EPPK1: variants seen among roughly 807,000 people sequenced by gnomAD.
EPPK1 encodes the protein epiplakin.
For missense variants in EPPK1, 3,823 were observed against 3,673.3 expected (o/e 1.04, Z -1.05); for synonymous variants, 1,862 against 1,721.2 (o/e 1.08, Z -2.03).
Position 143,872,220 on chromosome 8 carries a change from G to A in EPPK1, c.1034C>T (p.Ala345Val), listed in dbSNP as rs782080925. 24 of 1,608,642 alleles carry A rather than the reference G, an allele frequency of 1.5e-5. No homozygotes were observed. Among genetic ancestry groups the A allele is most frequent in the Middle Eastern group, 1.7e-4 (1 of 6,030 alleles). ...ATGGAGCTCTGGGCTGACCAGGCCC[G>A]CCCTGACTGCCTCGTCTACCCACAG... The part of the protein sequence containing the change: ...QRLWVDEAVR[A>V]GLVSPELHEQ... Residue 345 changes from alanine to valine, a missense_variant, in exon 2 of 2, where the codon GCG becomes GTG. By Grantham distance (64) the Ala-to-Val change is moderately conservative. Transcript: ENST00000615648.
chr8:143,878,348 G>A (rs1166044210), intron 1 of EPPK1, 90 bp downstream of exon 1: 2 of 74,904 alleles, frequency 2.7e-5, no homozygotes, highest in South Asian at 2.8e-4. Flanking sequence ...GCCCGGCCCC[G>A]AGCCCGCACC....
rs781799132 is a variant in EPPK1 at position 143,868,107 on chromosome 8, C to T, written c.5147G>A (p.Arg1716His). Reference protein sequence around the residue: ...RCGYFDEEMNRILADPSDDTK... With the variant: ...RCGYFDEEMNHILADPSDDTK... Reference sequence around the variant, plus strand: ...GTCGTCGCTGGGGTCCGCCAGGATGCGGTTCATCTCCTCGTCGAAGTAGCC... The same window carrying T: ...GTCGTCGCTGGGGTCCGCCAGGATGTGGTTCATCTCCTCGTCGAAGTAGCC... The change falls in exon 2 of 2, where the codon CGC becomes CAC. Residue 1716 changes from arginine (R) to histidine (H), a missense_variant. Transcript: ENST00000615648. 2.0e-5 allele frequency: 33 copies of T among 1,613,196 alleles called. No homozygotes were observed. Among genetic ancestry groups the T allele is most frequent in the East Asian group, 1.6e-4 (7 of 44,896 alleles).
At position 143,878,413 on chromosome 8, in the gene EPPK1, G is replaced by GC. The variant is rs1187837278; in HGVS notation, c.-46+24dup. On this transcript the variant is annotated intron_variant, in intron 1 of 1. Coordinates refer to ENST00000615648, the MANE Select transcript of EPPK1 (RefSeq NM_031308.4). ...GCACCTGCCCGCACCCGCCGCACCC[G>GC]CCGCACCCGCCGCACCCGCCGCACC... The GC allele has an allele frequency of 4.0e-3, 366 of 92,122 alleles. 9 individuals carry two copies. The East Asian group carries it at 0.049, about 12-fold the overall frequency. 5.7% of individuals were successfully genotyped at this position (92,122 alleles called of 1,614,324 possible). A position where few individuals can be genotyped will look rare whatever the true frequency, so the allele number is the denominator to read the frequency against.
Position 143,866,870 on chromosome 8 carries a change from G to A in EPPK1, c.6384C>T (p.Ser2128=), listed in dbSNP as rs782812608. The A allele has an allele frequency of 1.4e-5, 23 of 1,613,082 alleles. No individual in the cohort carries two copies. The highest frequency in any genetic ancestry group is 3.3e-5 in the South Asian group (3 of 91,092). Residue 2128 remains serine (S), a synonymous_variant, in exon 2 of 2, where the codon TCC becomes TCT. Transcript: ENST00000615648. Reference sequence around the variant, plus strand: ...GCTTCTTCTCCTCTGTCACGTATTCGGAATTCAGTAGTGCCCACAGTGTTG... The same window carrying A: ...GCTTCTTCTCCTCTGTCACGTATTCAGAATTCAGTAGTGCCCACAGTGTTG... ...QKPTLWALLN[S]EYVTEEKKLQ...
intron 1 of EPPK1, among the ~76,000 whole-genome samples, chr8:143,876,325 G>T (rs1189924007): frequency 6.6e-6 from 1 of 152,208 alleles, no homozygotes; most frequent in African/African-American, 2.4e-5. Flanking sequence ...AGGCGCGCCC[G>T]GGTTGAGGGC....
chr8:143,869,514 C>T lies in EPPK1; in HGVS notation c.3740G>A (p.Cys1247Tyr), dbSNP rs531805402. 1.3e-6 allele frequency: 2 copies of T among 1,550,824 alleles called. No homozygotes were observed. The highest frequency in any genetic ancestry group is 1.7e-4 in the Middle Eastern group (1 of 5,840). ...GGGCTGTAGCAGCACACCGGCCACGCAGCCTGTGCCCCACAGGCAGGCCTT... is the reference window on the plus strand; with the variant it reads ...GGGCTGTAGCAGCACACCGGCCACGTAGCCTGTGCCCCACAGGCAGGCCTT... ...AVKACLWGTG[C>Y]VAGVLLQPSG... Residue 1247 changes from cysteine to tyrosine, a missense_variant, in exon 2 of 2, where the codon TGC (cysteine) becomes TAC (tyrosine). Cys to Tyr is a radical substitution (Grantham distance 194). Coordinates refer to ENST00000615648, the MANE Select transcript of EPPK1 (RefSeq NM_031308.4).
In EPPK1 at chr8:143,868,496, G is replaced by C; in HGVS notation, c.4758C>G (p.Ser1586Arg). 6.2e-7 allele frequency: 1 copy of C among 1,610,952 alleles called. No homozygotes were observed. Among genetic ancestry groups the C allele is most frequent in the Non-Finnish European group, 8.5e-7 (1 of 1,179,230 alleles). ...VLIQGTQERM[S>R]IPEALRRHIL... is the part of the protein sequence containing the mutation. ...TGTGCCTCCTCAGGGCCTCTGGGAT[G>C]CTCATCCTCTCCTGGGTGCCCTGGA... Residue 1586 changes from serine (S) to arginine (R), a missense_variant, in exon 2 of 2, where the codon AGC becomes AGG. Ser to Arg is a moderately radical substitution (Grantham distance 110). Transcript: ENST00000615648.
rs1563880360 is a variant in EPPK1, at chr8:143,867,403, CAG to C, written c.5849_5850del (p.Ser1950CysfsTer3). 1.9e-6 allele frequency: 3 copies of C among 1,612,898 alleles called. 1 individual carries two copies. The highest frequency in any genetic ancestry group is 2.2e-5 in the South Asian group (2 of 91,086). ...LLDPCTRQKL[S>X]VDEAVDVGLV... is the part of the protein sequence containing the mutation. ...AGGCCCACATCCACAGCCTCATCCACAGAGAGCTTCTGGCGGGTGCAGGGGTC... is the reference window on the plus strand; with the variant it reads ...AGGCCCACATCCACAGCCTCATCCACAGAGCTTCTGGCGGGTGCAGGGGTC... On this transcript the variant is annotated frameshift_variant, in exon 2 of 2. Coordinates refer to ENST00000615648, the MANE Select transcript of EPPK1 (RefSeq NM_031308.4). LOFTEE classifies it low-confidence loss of function (END_TRUNC).
In EPPK1 at chr8:143,871,558, T is replaced by C. The variant is rs370114857; in HGVS notation, c.1696A>G (p.Thr566Ala). The change falls in exon 2 of 2, where the codon ACC becomes GCC. Residue 566 changes from threonine to alanine, a missense_variant. Transcript: ENST00000615648. ...ARVTFSGLRD[T>A]VTPGELLKAE... The stretch of plus-strand genomic sequence containing the variant: ...TTCAGCAGCTCTCCTGGTGTCACGG[T>C]GTCCCTCAGCCCAGAAAAGGTGACC... 6.2e-7 allele frequency: 1 copy of C among 1,609,724 alleles called. No individual in the cohort carries two copies. Among genetic ancestry groups the C allele is most frequent in the South Asian group, 1.1e-5 (1 of 90,582 alleles).
chr8:143,873,858 GC>G (rs782214325), intron 1 of EPPK1, among the ~76,000 whole-genome samples: 7 of 151,508 alleles, frequency 4.6e-5, no homozygotes, highest in Non-Finnish European at 1.0e-4. Flanking sequence ...AGAAGCCTCT[GC>G]CACCTCCTGC....
rs1226822229 is a variant in EPPK1 at position 143,873,029 on chromosome 8, T to C, written c.225A>G (p.Leu75=). The change falls in exon 2 of 2, where the codon CTA becomes CTG. Residue 75 remains leucine (L), a synonymous_variant. Transcript: ENST00000615648. ...LLPAGLGQAL[L]EAQAATGGLV... ...GGCCCCCAGTGGCTGCCTGGGCCTC[T>C]AGCAGAGCCTGCCCGAGCCCAGCAG... The C allele has an allele frequency of 5.1e-6, 8 of 1,569,966 alleles. No homozygotes were observed. The African/African-American group carries it at 1.1e-4, about 21-fold the overall frequency.
chr8:143,871,675 G>A lies in EPPK1; in HGVS notation c.1579C>T (p.Leu527=). 6.2e-7 allele frequency: 1 copy of A among 1,602,908 alleles called. No homozygotes were observed. The highest frequency in any genetic ancestry group is 8.5e-7 in the Non-Finnish European group (1 of 1,176,528). The change falls in exon 2 of 2, where the codon CTG becomes TTG. Residue 527 remains leucine (L), a synonymous_variant. Transcript: ENST00000615648. ...GTCCCTTCCTGGTACTGCTGGGCCA[G>A]CATCGCCCTCTGCTCTGAGGAGATG... is the stretch of plus-strand genomic sequence containing the variant. ...EAISSEQRAM[L]AQQYQEGTLS...
Position 143,866,662 on chromosome 8 carries a change from G to A in EPPK1, c.6592C>T (p.Gln2198Ter). 2 of 1,613,190 alleles carry A rather than the reference G, an allele frequency of 1.2e-6. No homozygotes were observed. The highest frequency in any genetic ancestry group is 1.7e-6 in the Non-Finnish European group (2 of 1,179,886). Reference protein sequence around the residue: ...SSAIITEEMLQDLETGRSTTQ... With the variant: ...SSAIITEEML The stretch of plus-strand genomic sequence containing the variant: ...GTGCTCCGTCCCGTTTCCAGGTCCT[G>A]GAGCATTTCCTCCGTGATTATGGCT... Residue 2198 changes from glutamine (Q) to a stop codon, truncating the protein, a stop_gained, in exon 2 of 2, where the codon CAG becomes TAG. Coordinates refer to ENST00000615648, the MANE Select transcript of EPPK1 (RefSeq NM_031308.4). LOFTEE classifies it low-confidence loss of function (END_TRUNC).
At position 143,867,035 on chromosome 8, in the gene EPPK1, G is replaced by A. The variant is rs1554659280; in HGVS notation, c.6219C>T (p.Arg2073=). Residue 2073 remains arginine (R), a synonymous_variant, in exon 2 of 2, where the codon CGC becomes CGT. Coordinates refer to ENST00000615648, the MANE Select transcript of EPPK1 (RefSeq NM_031308.4). ...VSYRELQERC[R]PQEDTGWLLF... is the part of the protein sequence containing the mutation. ...GCAGCCAGCCCGTGTCCTCTTGTGG[G>A]CGGCACCTCTCCTGCAGCTCTCGGT... 2 of 1,612,810 alleles carry A rather than the reference G, an allele frequency of 1.2e-6. No individual in the cohort carries two copies. The highest frequency in any genetic ancestry group is 3.3e-5 in the Admixed American group (2 of 60,032).
chr8:143,869,536 C>A lies in EPPK1; in HGVS notation c.3718G>T (p.Ala1240Ser), dbSNP rs782240124. 97 of 1,560,816 alleles carry A rather than the reference C, an allele frequency of 6.2e-5. No individual in the cohort carries two copies. The highest frequency in any genetic ancestry group is 2.2e-4 in the Admixed American group (12 of 54,368). ...AQVAEQPAVK[A>S]CLWGTGCVAG... ...ACGCAGCCTGTGCCCCACAGGCAGGCCTTCACCGCCGGCTGCTCGGCGACC... is the reference window on the plus strand; with the variant it reads ...ACGCAGCCTGTGCCCCACAGGCAGGACTTCACCGCCGGCTGCTCGGCGACC... The change falls in exon 2 of 2, where the codon GCC becomes TCC. Residue 1240 changes from alanine to serine, a missense_variant. Ala to Ser is a moderately conservative substitution (Grantham distance 99). Coordinates refer to ENST00000615648, the MANE Select transcript of EPPK1 (RefSeq NM_031308.4).
At chr8:143,876,176 C>T (rs987258488) in intron 1 of EPPK1, among the ~76,000 whole-genome samples, 2 of 152,152 alleles carry the variant, frequency 1.3e-5, no homozygotes, top group Non-Finnish European at 2.9e-5. Context: ...CACCAGGAGG[C>T]GGCACCACAG....
chr8:143,868,704 A>C lies in EPPK1; in HGVS notation c.4550T>G (p.Leu1517Arg). The change falls in exon 2 of 2, where the codon CTG becomes CGG. Residue 1517 changes from leucine (L) to arginine (R), a missense_variant. Transcript: ENST00000615648. The part of the protein sequence containing the change: ...TLVEAAERQP[L>R]QATFRGLRKQ... ...CCGGAGCCCTCTGAAGGTGGCCTGC[A>C]GGGGCTGCCTCTCTGCAGCCTCGAC... 1 of 1,579,714 alleles carries C rather than the reference A, an allele frequency of 6.3e-7. No individual in the cohort carries two copies. Among genetic ancestry groups the C allele is most frequent in the Non-Finnish European group, 8.6e-7 (1 of 1,165,916 alleles).
In EPPK1 at chr8:143,867,212, C is replaced by G. The variant is rs782405559; in HGVS notation, c.6042G>C (p.Gly2014=). The G allele has an allele frequency of 3.1e-6, 5 of 1,612,604 alleles. No homozygotes were observed. Among genetic ancestry groups the G allele is most frequent in the African/African-American group, 1.3e-5 (1 of 74,906 alleles). The change falls in exon 2 of 2, where the codon GGG becomes GGC. Residue 2014 remains glycine (G), a synonymous_variant. Coordinates refer to ENST00000615648, the MANE Select transcript of EPPK1 (RefSeq NM_031308.4). ...LRLLEVQVAT[G]GVIDPQHHHR... ...GGTGGTGCTGTGGGTCGATGACACCCCCCGTGGCCACCTGCACCTCCAGCA... is the reference window on the plus strand; with the variant it reads ...GGTGGTGCTGTGGGTCGATGACACCGCCCGTGGCCACCTGCACCTCCAGCA...
chr8:143,866,771 C>A lies in EPPK1; in HGVS notation c.6483G>T (p.Leu2161Phe), dbSNP rs782332961. 2.5e-6 allele frequency: 4 copies of A among 1,613,416 alleles called. No homozygotes were observed. The highest frequency in any genetic ancestry group is 2.5e-6 in the Non-Finnish European group (3 of 1,179,888). The change falls in exon 2 of 2, where the codon TTG becomes TTT. Residue 2161 changes from leucine (L) to phenylalanine (F), a missense_variant. By Grantham distance (22) the Leu-to-Phe change is conservative (BLOSUM62 0). Coordinates refer to ENST00000615648, the MANE Select transcript of EPPK1 (RefSeq NM_031308.4). ...TGTTGCTGGTTTCCTGCTTCTCGAT[C>A]AACTCTAAGATGAGCTGCGCTACCG... is the stretch of plus-strand genomic sequence containing the variant. The part of the protein sequence containing the change: ...LQTVAQLILE[L>F]IEKQETSNKH...
Sources: allele counts gnomAD v4.1 joint callset (sites outside exome capture counted in the v4.1 genomes callset), GRCh38; gene constraint gnomAD v4.1.1; transcripts MANE v1.5; gene names NCBI Gene and HGNC (gene_info 2026-07-23, HGNC 2026-07-21).